The following KMT2E variants were observed in gnomAD, a reference collection of about 807,000 sequenced individuals.
KMT2E encodes the protein lysine methyltransferase 2E (inactive), also known as histone reader KMT2E.
In KMT2E, 30 loss-of-function variants were observed where a neutral mutation model predicts 184.6. The observed-to-expected ratio is 0.16, with a 90% confidence interval of 0.12 to 0.22. The LOEUF is 0.22. Among genes scored for constraint, KMT2E ranks in the 10% least tolerant of loss-of-function variants. KMT2E has a pLI of 1.00. For synonymous variants in KMT2E, 815 were observed against 776.5 expected (o/e 1.05, Z -0.82); for missense variants, 2,023 against 2,237.4 (o/e 0.90, Z 1.93).
chr7:105,075,071 A>G (rs1309641445), intron 8 of KMT2E, among the ~76,000 whole-genome samples: 6 of 152,246 alleles, frequency 3.9e-5, no homozygotes, highest in Non-Finnish European at 7.3e-5. Flanking sequence ...AGCAAAAATA[A>G]AATAGAAAGC....
intron 15 of KMT2E, among the ~76,000 whole-genome samples, chr7:105,099,179 T>C (rs1338413340): frequency 2.0e-5 from 3 of 152,228 alleles, no homozygotes; most frequent in Non-Finnish European, 2.9e-5. Context: ...AAGATAAAGC[T>C]AGGTCTAAAG....
intron 13 of KMT2E, among the ~76,000 whole-genome samples, chr7:105,089,517 A>G (rs1464095027): frequency 6.6e-6 from 1 of 152,210 alleles, no homozygotes; most frequent in African/African-American, 2.4e-5. Context: ...ACATGATGCC[A>G]CAAGTAGAAA....
chr7:105,101,342 T>C (rs1414048956), intron 15 of KMT2E, 83 bp from the exon 16 acceptor site: 1 of 958,214 alleles, frequency 1.0e-6, no homozygotes, highest in Non-Finnish European at 1.5e-6. Flanking sequence ...CAATTATTTT[T>C]TACATTTATC....
chr7:105,071,129 A>T (rs902860803), intron 6 of KMT2E, among the ~76,000 whole-genome samples: 78 of 152,266 alleles, frequency 5.1e-4, no homozygotes, highest in Non-Finnish European at 1.2e-4. Flanking sequence ...TCTTAAAAAT[A>T]TATGCTGAAG....
intron 15 of KMT2E, among the ~76,000 whole-genome samples, chr7:105,097,464 C>A (rs1397040119): frequency 6.6e-6 from 1 of 152,160 alleles, no homozygotes; most frequent in East Asian, 1.9e-4. Flanking sequence ...TGGCTCACCG[C>A]AACCTCTGCC....
chr7:105,064,916 C>T (rs1369415171), intron 5 of KMT2E, among the ~76,000 whole-genome samples: 1 of 152,062 alleles, frequency 6.6e-6, no homozygotes, highest in Non-Finnish European at 1.5e-5. Flanking sequence ...TATTTTAATA[C>T]ATAATCTTAG....
chr7:105,020,835 AAGTG>A (rs1794921098), intron 1 of KMT2E, among the ~76,000 whole-genome samples: 1 of 152,204 alleles, frequency 6.6e-6, no homozygotes, highest in Non-Finnish European at 1.5e-5. Flanking sequence ...TTTTAGTAAA[AAGTG>A]AGGAATATGG....
intron 1 of KMT2E, among the ~76,000 whole-genome samples, chr7:105,021,740 A>G (rs1475071311): frequency 1.3e-5 from 2 of 152,180 alleles, no homozygotes; most frequent in Non-Finnish European, 2.9e-5. Flanking sequence ...CCTGAAAACA[A>G]TTACCTTTTT....
At position 105,014,339 on chromosome 7, in the gene KMT2E, C is replaced by T. The variant is rs1011360237; in HGVS notation, c.-385C>T. On this transcript the variant is annotated 5_prime_UTR_variant, in exon 1 of 27. Transcript: ENST00000311117. ...TCGTCTCTGCGTTCCTGTTGACTGC[C>T]TGGCTGCCCCCTCCCCTACTCCTCG... The T allele has an allele frequency of 3.9e-4, 61 of 155,368 alleles. No homozygotes were observed. The highest frequency in any genetic ancestry group is 1.5e-3 in the African/African-American group (61 of 41,460). The allele number at this position is 155,368 out of a possible 1,614,324, so 9.6% of individuals were successfully genotyped here.
chr7:105,046,763 A>G (rs1796124294), intron 3 of KMT2E, among the ~76,000 whole-genome samples: 1 of 152,250 alleles, frequency 6.6e-6, no homozygotes. Flanking sequence ...GCATGTAAAT[A>G]CATCAAAATT....
rs1327650886 is a variant in KMT2E, at chr7:105,112,998, C to G, written c.5242C>G (p.Pro1748Ala). ...ACACCACCCACCTCATCAAGGACCTCCACTTTTTCCTTCGAGTGCTCATCC... is the reference window on the plus strand; with the variant it reads ...ACACCACCCACCTCATCAAGGACCTGCACTTTTTCCTTCGAGTGCTCATCC... The part of the protein sequence containing the change: ...ALHHPPHQGP[P>A]LFPSSAHPTV... Residue 1748 changes from proline (P) to alanine (A), a missense_variant, in exon 27 of 27, where the codon CCA becomes GCA. Transcript: ENST00000311117. 2 of 1,614,092 alleles carry G rather than the reference C, an allele frequency of 1.2e-6. No individual in the cohort carries two copies. The highest frequency in any genetic ancestry group is 3.3e-5 in the Admixed American group (2 of 60,004).
chr7:105,022,173 A>T (rs1025637798), intron 1 of KMT2E, among the ~76,000 whole-genome samples: 3 of 152,188 alleles, frequency 2.0e-5, no homozygotes, highest in African/African-American at 2.4e-5. Context: ...TTTAACATTG[A>T]TGTAATACTA....
chr7:105,092,954 G>A (rs1291810298), intron 15 of KMT2E, among the ~76,000 whole-genome samples: 8 of 152,158 alleles, frequency 5.3e-5, no homozygotes, highest in African/African-American at 1.9e-4. Context: ...AGCACTTTGG[G>A]AGGCTTAGGT....
chr7:105,032,804 T>C (rs1223098049), intron 1 of KMT2E, among the ~76,000 whole-genome samples: 1 of 152,236 alleles, frequency 6.6e-6, no homozygotes, highest in Non-Finnish European at 1.5e-5. Flanking sequence ...ATGTCCATCA[T>C]AGGATTTTGT....
At chr7:105,096,787 A>G (rs1412535044) in intron 15 of KMT2E, among the ~76,000 whole-genome samples, 1 of 152,234 alleles carries the variant, frequency 6.6e-6, no homozygotes, top group Non-Finnish European at 1.5e-5. Flanking sequence ...AGTTCAGGTA[A>G]TGGATGATCT....
chr7:105,043,315 C>T (rs1185571258), intron 3 of KMT2E, among the ~76,000 whole-genome samples: 1 of 149,792 alleles, frequency 6.7e-6, no homozygotes, highest in Non-Finnish European at 1.5e-5. Flanking sequence ...CGGCTCACTG[C>T]AAGCTCCGCC....
chr7:105,049,393 G>C (rs369985405), intron 3 of KMT2E, among the ~76,000 whole-genome samples: 2 of 151,698 alleles, frequency 1.3e-5, no homozygotes, highest in East Asian at 3.9e-4. Flanking sequence ...GCAGTGAGCT[G>C]AGATCACACC....
chr7:105,086,299 A>G (rs1424181125), intron 13 of KMT2E, among the ~76,000 whole-genome samples: 1 of 152,224 alleles, frequency 6.6e-6, no homozygotes, highest in African/African-American at 2.4e-5. Flanking sequence ...TGGTAGGGAC[A>G]TAGGAGTGGA....
At chr7:105,068,091 C>T (rs1797113227) in intron 6 of KMT2E, among the ~76,000 whole-genome samples, 1 of 152,162 alleles carries the variant, frequency 6.6e-6, no homozygotes, top group African/African-American at 2.4e-5. Flanking sequence ...ACCTACTCCT[C>T]CCTCCCTACC....
Sources: allele counts gnomAD v4.1 joint callset (sites outside exome capture counted in the v4.1 genomes callset), GRCh38; gene constraint gnomAD v4.1.1; transcripts MANE v1.5; gene names NCBI Gene and HGNC (gene_info 2026-07-23, HGNC 2026-07-21).